DHX37: variants seen among roughly 807,000 people sequenced by gnomAD.
DHX37 encodes probable ATP-dependent RNA helicase DHX37.
DHX37 carries 52 observed loss-of-function variants against 134.3 expected under a neutral mutation model. The observed-to-expected ratio is 0.39, with a 90% CI of 0.31 to 0.49. DHX37 has a LOEUF of 0.49. Among genes scored for constraint, DHX37 ranks in the 20% least tolerant of loss-of-function variants. The pLI, the probability that DHX37 is intolerant of heterozygous loss-of-function variation, is 0.93. For missense variants in DHX37, 1,344 were observed against 1,580.8 expected, an observed-to-expected ratio of 0.85 and a Z score of 2.54; for synonymous variants, 634 against 670.7, an observed-to-expected ratio of 0.95 and a Z score of 0.85.
chr12:124,981,480 G>C (rs948738995), intron 3 of DHX37, among the ~76,000 whole-genome samples: 1 of 152,196 alleles, frequency 6.6e-6, no homozygotes, highest in East Asian at 1.9e-4. Context: ...TGTCGCCCAG[G>C]ACGGAGTGCA....
Position 124,950,541 on chromosome 12 carries a change from C to A in DHX37, c.2993G>T (p.Ser998Ile), listed in dbSNP as rs764572620. 2.6e-6 allele frequency: 4 copies of A among 1,551,724 alleles called. No individual in the cohort carries two copies. Among genetic ancestry groups the A allele is most frequent in the African/African-American group, 1.4e-5 (1 of 72,844 alleles). Residue 998 changes from serine to isoleucine, a missense_variant, in exon 23 of 27, where the codon AGC becomes ATC. Coordinates refer to ENST00000308736, the MANE Select transcript of DHX37 (RefSeq NM_032656.4). Reference protein sequence around the residue: ...TTKMYMKGVSSVEVQWIPALL... With the variant: ...TTKMYMKGVSIVEVQWIPALL... ...GGCCGGGATCCACTGGACCTCCACG[C>A]TAGAGACGCCTGGGGGCCGGGGGAG...
rs184270416 is a variant in DHX37 at position 124,950,610 on chromosome 12, T to A, written c.2984-60A>T. 3,028 of 1,559,692 alleles carry A rather than the reference T, an allele frequency of 1.9e-3. 15 individuals carry two copies. The highest frequency in any genetic ancestry group is 7.6e-3 in the South Asian group (630 of 82,464). On this transcript the variant is annotated intron_variant, in intron 22 of 26. Transcript: ENST00000308736. ...GCACCCTCCGTGGGAGGGGCTGCCA[T>A]GCCTCTGCCCCAGGGTCCCAGCCAC...
chr12:124,961,460 G>A (rs1338083846), intron 15 of DHX37, among the ~76,000 whole-genome samples: 7 of 151,926 alleles, frequency 4.6e-5, no homozygotes, highest in African/African-American at 7.3e-5. Context: ...ATGAAGTCTC[G>A]CTCTGTCGCC....
intron 10 of DHX37, among the ~76,000 whole-genome samples, chr12:124,967,961 A>G (rs1954427531): frequency 1.3e-5 from 2 of 152,064 alleles, no homozygotes; most frequent in South Asian, 2.1e-4. Context: ...GGGACCTGTA[A>G]TCCCAGCTAC....
At chr12:124,984,008 A>G (rs1954810574) in intron 2 of DHX37, among the ~76,000 whole-genome samples, 1 of 152,192 alleles carries the variant, frequency 6.6e-6, no homozygotes. Flanking sequence ...TTAGGGCCAA[A>G]TAAGTTTTTG....
At chr12:124,971,180 G>A in intron 8 of DHX37, 122 bp downstream of exon 8, 1 of 1,449,442 alleles carries the variant, frequency 6.9e-7, no homozygotes, top group Admixed American at 2.2e-5. Context: ...TTGTGCTCGG[G>A]GTACCTGCTC....
intron 3 of DHX37, 138 bp downstream of exon 3, chr12:124,982,373 C>A: frequency 1.7e-6 from 2 of 1,172,108 alleles, no homozygotes; most frequent in Non-Finnish European, 2.4e-6. Context: ...TTTAGGATGA[C>A]AATGAATTTT....
rs999693736 is a variant in DHX37, at chr12:124,949,707, G to A, written c.3290+279C>T. 6.6e-5 allele frequency among the ~76,000 whole-genome samples: 10 copies of A among 152,184 alleles called. No individual in the cohort carries two copies. The highest frequency in any genetic ancestry group is 2.4e-4 in the African/African-American group (10 of 41,456). On this transcript the variant is annotated intron_variant, in intron 25 of 26. Transcript: ENST00000308736. This position sits in a 1 kb window ranked among gnomAD's most constrained non-coding sequence, Gnocchi z 4.0. ...CTGGTGTCCTTATAAGGAGAACACA[G>A]GGAGGGAGACTAAAGACACACAGAG...
chr12:124,975,829 G>A (rs899610318), intron 5 of DHX37, among the ~76,000 whole-genome samples: 5 of 152,152 alleles, frequency 3.3e-5, no homozygotes, highest in Non-Finnish European at 7.3e-5. Context: ...CCGCCAAGCC[G>A]ATGGGTGGCT....
chr12:124,969,348 C>T (rs1290262944), intron 8 of DHX37, among the ~76,000 whole-genome samples: 1 of 152,110 alleles, frequency 6.6e-6, no homozygotes, highest in Admixed American at 6.5e-5. Flanking sequence ...CCGGGAGCTC[C>T]CTGGTCCCCA....
chr12:124,978,918 C>T (rs1213019297), intron 4 of DHX37, among the ~76,000 whole-genome samples: 1 of 148,392 alleles, frequency 6.7e-6, no homozygotes, highest in Admixed American at 6.7e-5. Flanking sequence ...GGTAACAGAA[C>T]AAGACACTGT....
At chr12:124,964,094 C>T (rs1181878363) in intron 15 of DHX37, among the ~76,000 whole-genome samples, 2 of 149,150 alleles carry the variant, frequency 1.3e-5, no homozygotes, top group Non-Finnish European at 2.9e-5. Context: ...ATTTGGGAGG[C>T]TAAGGCAGGA....
chr12:124,977,754 G>A (rs1333956030), intron 4 of DHX37, among the ~76,000 whole-genome samples: 1 of 152,176 alleles, frequency 6.6e-6, no homozygotes, highest in African/African-American at 2.4e-5. Context: ...GGAACCCTCG[G>A]CTGTTGCTGG....
At chr12:124,969,686 TGCTG>T (rs928691607) in intron 8 of DHX37, among the ~76,000 whole-genome samples, 1 of 151,966 alleles carries the variant, frequency 6.6e-6, no homozygotes, top group African/African-American at 2.4e-5. Flanking sequence ...AAACGACAAG[TGCTG>T]GCAGGATGTG....
intron 15 of DHX37, among the ~76,000 whole-genome samples, chr12:124,962,345 A>AC (rs2135942282): frequency 6.6e-6 from 1 of 151,510 alleles, no homozygotes; most frequent in East Asian, 1.9e-4. Flanking sequence ...ACATGGTGAA[A>AC]CCCCGTCTCT....
In DHX37 at chr12:124,978,607, C is replaced by T. The variant is rs1166092600; in HGVS notation, c.739-1117G>A. On this transcript the variant is annotated intron_variant, in intron 4 of 26. Transcript: ENST00000308736. Reference sequence around the variant, plus strand: ...TGTTGGGATTACAGGCGTGAGCCATCGTGCCTGGCCTCCATTTGTTTTTTT... The same window carrying T: ...TGTTGGGATTACAGGCGTGAGCCATTGTGCCTGGCCTCCATTTGTTTTTTT... Among the ~76,000 whole-genome samples, 13 of 141,920 alleles carry T rather than the reference C, an allele frequency of 9.2e-5. No homozygotes were observed. In the East Asian group the frequency reaches 2.9e-3, roughly 31 times the overall value. The allele number at this position is 141,920 out of a possible 152,430, so 93.1% of individuals were successfully genotyped here.
chr12:124,949,264 G>A lies in DHX37; in HGVS notation c.3290+722C>T, dbSNP rs577931326. Reference sequence around the variant, plus strand: ...CCCAGCAGCGGGTGCTGTGCCCCACGCCCCATCTCGAGTCCCTGGCACCTG... The same window carrying A: ...CCCAGCAGCGGGTGCTGTGCCCCACACCCCATCTCGAGTCCCTGGCACCTG... On this transcript the variant is annotated intron_variant, in intron 25 of 26. Coordinates refer to ENST00000308736, the MANE Select transcript of DHX37 (RefSeq NM_032656.4). This position sits in a 1 kb window ranked among gnomAD's most constrained non-coding sequence, Gnocchi z 4.0. 3.2e-4 allele frequency among the ~76,000 whole-genome samples: 49 copies of A among 152,240 alleles called. No homozygotes were observed. The highest frequency in any genetic ancestry group is 1.2e-3 in the African/African-American group (48 of 41,544).
rs767835022 is a variant in DHX37, at chr12:124,953,869, C to T, written c.2695+11G>A. The T allele has an allele frequency of 9.3e-6, 15 of 1,608,878 alleles. No individual in the cohort carries two copies. In the South Asian group the frequency reaches 9.9e-5, roughly 11 times the overall value. On this transcript the variant is annotated intron_variant, in intron 20 of 26. Transcript: ENST00000308736. ...CGCCGGGTGCAGCGGCGTGCCGGCACGGGGCCGTACCTGCGGTGGTCAGCT... is the reference window on the plus strand; with the variant it reads ...CGCCGGGTGCAGCGGCGTGCCGGCATGGGGCCGTACCTGCGGTGGTCAGCT...
At position 124,972,605 on chromosome 12, in the gene DHX37, T is replaced by G. The variant is rs12320413; in HGVS notation, c.981-6A>C. The G allele has an allele frequency of 1.2e-6, 2 of 1,613,766 alleles. No homozygotes were observed. The highest frequency in any genetic ancestry group is 2.2e-5 in the East Asian group (1 of 44,884). On this transcript the variant is annotated splice_region_variant and splice_polypyrimidine_tract_variant and intron_variant, in intron 6 of 26. Coordinates refer to ENST00000308736, the MANE Select transcript of DHX37 (RefSeq NM_032656.4). The stretch of plus-strand genomic sequence containing the variant: ...GGATCTGGTAGGAGACGACCCTGTA[T>G]GGGCAGAGTTCGGGTTAGGGCAGAG...
Sources: allele counts gnomAD v4.1 joint callset (sites outside exome capture counted in the v4.1 genomes callset), GRCh38; gene constraint gnomAD v4.1.1; non-coding constraint Gnocchi (gnomAD v3.1); transcripts MANE v1.5; gene names NCBI Gene and HGNC (gene_info 2026-07-23, HGNC 2026-07-21).